Variants in PELI1 observed in about 807,000 individuals in gnomAD.
PELI1 encodes the protein E3 ubiquitin-protein ligase pellino homolog 1.
PELI1 carries 15 observed loss-of-function variants against 41.3 expected under a neutral mutation model. The ratio of observed to expected loss-of-function variants is 0.36; its 90% CI spans 0.24 to 0.56. The LOEUF (loss-of-function observed/expected upper bound fraction) is 0.56, where lower values mean the gene tolerates loss of function less well. PELI1 is among the 20% of genes least tolerant of loss of function. The pLI is 0.82. For synonymous variants in PELI1, 178 were observed against 180.1 expected, an observed-to-expected ratio of 0.99 and a Z score of 0.09; for missense variants, 403 against 525.5, an observed-to-expected ratio of 0.77 and a Z score of 2.28.
rs370137100 is a variant in PELI1, at chr2:64,094,934, T to C, written c.1025A>G (p.Tyr342Cys). The C allele has an allele frequency of 3.7e-6, 6 of 1,612,396 alleles. No individual in the cohort carries two copies. Among genetic ancestry groups the C allele is most frequent in the African/African-American group, 2.7e-5 (2 of 74,294 alleles). ...ECPMCRSVGP[Y>C]VPLWLGCEAG... ...TTCACATCCAAGCCACAGAGGAACA[T>C]AGGGACCAACAGACCTACACATAGG... Residue 342 changes from tyrosine to cysteine, a missense_variant, in exon 7 of 7, where the codon TAT becomes TGT. Coordinates refer to ENST00000358912, the MANE Select transcript of PELI1 (RefSeq NM_020651.4).
chr2:64,105,224 G>A (rs1680581345), intron 2 of PELI1, among the ~76,000 whole-genome samples: 2 of 152,060 alleles, frequency 1.3e-5, no homozygotes, highest in Non-Finnish European at 2.9e-5. Flanking sequence ...AGTATGTATT[G>A]TTTAAAACAC....
chr2:64,099,650 TG>T (rs1226446799), intron 4 of PELI1, among the ~76,000 whole-genome samples: 1 of 152,052 alleles, frequency 6.6e-6, no homozygotes, highest in African/African-American at 2.4e-5. Flanking sequence ...TAAAGAAAAA[TG>T]GAAGTCAATG....
chr2:64,128,270 T>C (rs1218188524), intron 1 of PELI1, among the ~76,000 whole-genome samples: 1 of 152,156 alleles, frequency 6.6e-6, no homozygotes, highest in Non-Finnish European at 1.5e-5. Context: ...AGGAGACTAA[T>C]ATGAAATGTT....
chr2:64,127,013 A>G (rs976241397), intron 1 of PELI1, among the ~76,000 whole-genome samples: 3 of 152,232 alleles, frequency 2.0e-5, no homozygotes, highest in African/African-American at 7.2e-5. Flanking sequence ...ATCAAAAAAC[A>G]AAAAGTATGA....
At chr2:64,131,227 A>G (rs948080490) in intron 1 of PELI1, among the ~76,000 whole-genome samples, 24 of 149,480 alleles carry the variant, frequency 1.6e-4, no homozygotes, top group Non-Finnish European at 1.5e-5. Flanking sequence ...ATTATATTAA[A>G]TTTGTTAAAG....
At chr2:64,107,090 A>G (rs1158586942) in intron 2 of PELI1, among the ~76,000 whole-genome samples, 2 of 151,742 alleles carry the variant, frequency 1.3e-5, no homozygotes, top group African/African-American at 4.9e-5. Flanking sequence ...TATCATGCCC[A>G]GCTAATTTTT....
chr2:64,143,557 G>A (rs1681989333), intron 1 of PELI1: 1 of 152,098 alleles, frequency 6.6e-6, no homozygotes, highest in Non-Finnish European at 1.5e-5. Context: ...ATTAATTAGC[G>A]TGTTTAAAAT....
intron 1 of PELI1, among the ~76,000 whole-genome samples, chr2:64,135,393 G>C (rs1021144640): frequency 1.1e-4 from 16 of 152,062 alleles, no homozygotes; most frequent in African/African-American, 3.6e-4. Context: ...CCAGAAATAG[G>C]CAAGGAAAGT....
chr2:64,118,202 G>A (rs1308318109), intron 1 of PELI1, among the ~76,000 whole-genome samples: 1 of 152,096 alleles, frequency 6.6e-6, no homozygotes, highest in Non-Finnish European at 1.5e-5. Flanking sequence ...AATATATACA[G>A]CTGGGATATT....
At chr2:64,095,373 G>T in intron 6 of PELI1, 105 bp from the exon 7 acceptor site, 1 of 658,022 alleles carries the variant, frequency 1.5e-6, no homozygotes, top group Non-Finnish European at 2.7e-6. Flanking sequence ...AGGTTTCCTA[G>T]GATTTTCACT....
intron 1 of PELI1, among the ~76,000 whole-genome samples, chr2:64,136,129 T>C (rs1378988998): frequency 6.6e-6 from 1 of 151,982 alleles, no homozygotes; most frequent in Non-Finnish European, 1.5e-5. Flanking sequence ...CTTTCTAAAA[T>C]AAGTTACACT....
chr2:64,094,307 T>C lies in PELI1; in HGVS notation c.*395A>G, dbSNP rs1376923616. The C allele has an allele frequency of 6.1e-6, 1 of 164,094 alleles. No individual in the cohort carries two copies. The highest frequency in any genetic ancestry group is 2.4e-5 in the African/African-American group (1 of 41,538). The allele number at this position is 164,094 out of a possible 1,614,324, so 10.2% of individuals were successfully genotyped here. On this transcript the variant is annotated 3_prime_UTR_variant, in exon 7 of 7. Transcript: ENST00000358912. ...AAAGATAAATAGAAAAAAGTTAATATACATGTCGCTGTATTTTACAATGTT... is the reference window on the plus strand; with the variant it reads ...AAAGATAAATAGAAAAAAGTTAATACACATGTCGCTGTATTTTACAATGTT...
At chr2:64,129,188 T>C (rs936067831) in intron 1 of PELI1, among the ~76,000 whole-genome samples, 1 of 152,228 alleles carries the variant, frequency 6.6e-6, no homozygotes, top group Non-Finnish European at 1.5e-5. Flanking sequence ...GCCAGGGTTC[T>C]CAAATTCACT....
chr2:64,108,333 T>G lies in PELI1; in HGVS notation c.-23A>C, dbSNP rs762837707. The G allele has an allele frequency of 1.3e-6, 2 of 1,527,226 alleles. No individual in the cohort carries two copies. The highest frequency in any genetic ancestry group is 1.8e-6 in the Non-Finnish European group (2 of 1,101,318). 94.6% of individuals were successfully genotyped at this position (1,527,226 alleles called of 1,614,324 possible). A position where few individuals can be genotyped will look rare whatever the true frequency, so the allele number is the denominator to read the frequency against. On this transcript the variant is annotated 5_prime_UTR_variant, in exon 2 of 7. Transcript: ENST00000358912. ...CATGAGCTTGGCTGTCTTTCTCAAA[T>G]CTTTGTTCACTGGTCAGGAGCCTTG...
intron 1 of PELI1, among the ~76,000 whole-genome samples, chr2:64,140,812 A>AAAAAAAAAAAC (rs1558490191): frequency 1.3e-5 from 2 of 148,450 alleles, no homozygotes; most frequent in Non-Finnish European, 3.0e-5. Flanking sequence ...AACAAACAAA[A>AAAAAAAAAAAC]AAAAACCTAG....
intron 1 of PELI1, among the ~76,000 whole-genome samples, chr2:64,115,370 G>C (rs1680959211): frequency 6.6e-6 from 1 of 152,096 alleles, no homozygotes; most frequent in South Asian, 2.1e-4. Context: ...GTCAACAGAG[G>C]GTGTCAATTT....
At chr2:64,142,833 T>C (rs1368411313) in intron 1 of PELI1, among the ~76,000 whole-genome samples, 1 of 152,190 alleles carries the variant, frequency 6.6e-6, no homozygotes, top group East Asian at 1.9e-4. Context: ...TTCGACACAG[T>C]AAAGGACAAT....
intron 1 of PELI1, among the ~76,000 whole-genome samples, chr2:64,116,431 G>C (rs942967642): frequency 6.6e-6 from 1 of 152,136 alleles, no homozygotes; most frequent in African/African-American, 2.4e-5. Flanking sequence ...AGTGGGATTT[G>C]GCAGTTATTT....
intron 1 of PELI1, among the ~76,000 whole-genome samples, chr2:64,130,365 GTGT>G (rs61117334): frequency 0.021 from 3,140 of 152,242 alleles, 95 homozygotes; most frequent in African/African-American, 0.07. Context: ...CAGCAAACAA[GTGT>G]TGTTAACGTT....
Sources: gnomAD v4.1 joint callset for allele counts (sites outside exome capture counted in the v4.1 genomes callset) on GRCh38, gnomAD v4.1.1 for gene constraint, MANE v1.5 for transcripts, NCBI Gene and HGNC (gene_info 2026-07-23, HGNC 2026-07-21) for gene names.